Variants in BCL11B observed in about 807,000 individuals in gnomAD.
BCL11B encodes the protein B-cell lymphoma/leukemia 11B.
Under a neutral mutation model 49.9 loss-of-function variants are expected in BCL11B, and 8 were observed. The ratio of observed to expected loss-of-function variants is 0.16; its 90% confidence interval spans 0.09 to 0.29. BCL11B has a LOEUF of 0.29. Ranked by LOEUF, BCL11B falls within the 10% of genes least tolerant of loss-of-function variation. The probability of loss-of-function intolerance (pLI) is 1.00; values close to 1 mark genes in which losing one functional copy is unlikely to be tolerated. For missense variants in BCL11B, 1,006 were observed against 1,351.0 expected (o/e 0.74, Z 4.00); for synonymous variants, 739 against 637.4 (o/e 1.16, Z -2.40).
At chr14:99,233,605 G>T (rs1443837116) in intron 2 of BCL11B, among the ~76,000 whole-genome samples, 1 of 152,186 alleles carries the variant, frequency 6.6e-6, no homozygotes, top group African/African-American at 2.4e-5. Flanking sequence ...GCCTGGTAAG[G>T]GTTGTCCCAG....
At chr14:99,212,341 C>T (rs1887711839) in intron 3 of BCL11B, among the ~76,000 whole-genome samples, 1 of 152,166 alleles carries the variant, frequency 6.6e-6, no homozygotes. Flanking sequence ...AACCTGCAGC[C>T]TCCCCTGGGC....
chr14:99,193,213 C>T (rs1887088304), intron 3 of BCL11B, among the ~76,000 whole-genome samples: 1 of 152,206 alleles, frequency 6.6e-6, no homozygotes, highest in South Asian at 2.1e-4. Flanking sequence ...TGTCTGTTCG[C>T]ACACTCCTCT....
chr14:99,178,995 C>T (rs1886618891), intron 3 of BCL11B, among the ~76,000 whole-genome samples: 1 of 152,136 alleles, frequency 6.6e-6, no homozygotes, highest in Non-Finnish European at 1.5e-5. Context: ...AGTTCTGTGG[C>T]TGGTGAGGAA....
chr14:99,227,813 C>G (rs1888200710), intron 3 of BCL11B, among the ~76,000 whole-genome samples: 1 of 152,170 alleles, frequency 6.6e-6, no homozygotes, highest in Non-Finnish European at 1.5e-5. Flanking sequence ...GCCAAATCCT[C>G]TATGTGAAAT....
intron 1 of BCL11B, among the ~76,000 whole-genome samples, chr14:99,269,658 ATATTTATT>A (rs562739993): frequency 6.6e-6 from 1 of 151,230 alleles, no homozygotes; most frequent in East Asian, 1.9e-4. Flanking sequence ...ACCACTTTAT[ATATTTATT>A]TATTTATTTA....
rs1359637411 is a variant in BCL11B at position 99,171,956 on chromosome 14, A to T, written c.*2195T>A. Reference sequence around the variant, plus strand: ...TAATCAAGAAATTTTAATATATATAATATATACTAAAACCCCGTCACCAAA... The same window carrying T: ...TAATCAAGAAATTTTAATATATATATTATATACTAAAACCCCGTCACCAAA... On this transcript the variant is annotated 3_prime_UTR_variant, in exon 4 of 4. Transcript: ENST00000357195. 1 of 199,002 alleles carries T rather than the reference A, an allele frequency of 5.0e-6. No individual in the cohort carries two copies. Among genetic ancestry groups the T allele is most frequent in the East Asian group, 7.8e-5 (1 of 12,816 alleles). The allele number at this position is 199,002 out of a possible 1,614,324, so 12.3% of individuals were successfully genotyped here.
intron 1 of BCL11B, among the ~76,000 whole-genome samples, chr14:99,268,385 A>G (rs1414483710): frequency 2.0e-5 from 3 of 151,968 alleles, no homozygotes; most frequent in African/African-American, 7.3e-5. Context: ...GAAGGACCTG[A>G]GGTTGCTGCC....
chr14:99,177,584 T>TC, intron 3 of BCL11B, among the ~76,000 whole-genome samples: 1 of 145,616 alleles, frequency 6.9e-6, no homozygotes, highest in South Asian at 2.3e-4. Flanking sequence ...CCAGCTCAGA[T>TC]CCAGCAGAAG....
At chr14:99,203,828 G>A (rs1887455665) in intron 3 of BCL11B, among the ~76,000 whole-genome samples, 1 of 152,138 alleles carries the variant, frequency 6.6e-6, no homozygotes, top group African/African-American at 2.4e-5. Context: ...TAGAGGGCTG[G>A]GGGCCGGGGG....
chr14:99,247,111 G>C lies in BCL11B; in HGVS notation c.427+10360C>G, dbSNP rs1003277814. Among the ~76,000 whole-genome samples, 1 of 152,132 alleles carries C rather than the reference G, an allele frequency of 6.6e-6. No individual in the cohort carries two copies. The highest frequency in any genetic ancestry group is 6.5e-5 in the Admixed American group (1 of 15,282). ...GCCCTGACGCTGGAGTGTGGACCTT[G>C]TTTTGCTCCTCGGGGCCCGTCTGTT... On this transcript the variant is annotated intron_variant, in intron 2 of 3. Transcript: ENST00000357195. The surrounding 1 kb of genome is among the most constrained non-coding windows in gnomAD (Gnocchi z 4.5).
At position 99,171,196 on chromosome 14, in the gene BCL11B, C is replaced by T. The variant is rs760876290; in HGVS notation, c.*2955G>A. 2.6e-5 allele frequency: 6 copies of T among 228,698 alleles called. No individual in the cohort carries two copies. Among genetic ancestry groups the T allele is most frequent in the South Asian group, 1.8e-4 (1 of 5,474 alleles). The allele number at this position is 228,698 out of a possible 1,614,324, so 14.2% of individuals were successfully genotyped here. A position where few individuals can be genotyped will look rare whatever the true frequency, so the allele number is the denominator to read the frequency against. On this transcript the variant is annotated 3_prime_UTR_variant, in exon 4 of 4. Coordinates refer to ENST00000357195, the MANE Select transcript of BCL11B (RefSeq NM_138576.4). Reference sequence around the variant, plus strand: ...GGGGCGTTCAGAGAGAAGCCCAACACGAACGGTTCTCTGTGTAGGCCAATT... The same window carrying T: ...GGGGCGTTCAGAGAGAAGCCCAACATGAACGGTTCTCTGTGTAGGCCAATT...
rs770721310 is a variant in BCL11B at position 99,195,843 on chromosome 14, A to G, written c.641-19648T>C. On this transcript the variant is annotated intron_variant, in intron 3 of 3. Transcript: ENST00000357195. The surrounding 1 kb of genome is among the most constrained non-coding windows in gnomAD (Gnocchi z 4.7). The stretch of plus-strand genomic sequence containing the variant: ...CCAACACCTGCTAGACTGAGCTGAC[A>G]CAGCCCTCCTGCCTGCTGCCCAGAA... 3.3e-5 allele frequency among the ~76,000 whole-genome samples: 5 copies of G among 152,144 alleles called. No individual in the cohort carries two copies. Among genetic ancestry groups the G allele is most frequent in the Non-Finnish European group, 7.4e-5 (5 of 68,024 alleles).
At chr14:99,202,985 C>T (rs1306161770) in intron 3 of BCL11B, among the ~76,000 whole-genome samples, 2 of 152,176 alleles carry the variant, frequency 1.3e-5, no homozygotes, top group East Asian at 3.9e-4. Flanking sequence ...AAGCTGTTTC[C>T]ACTAAGAAAT....
chr14:99,199,640 C>CTGTGTGTGTGTGTGTG (rs79328426), intron 3 of BCL11B, among the ~76,000 whole-genome samples: 2 of 109,524 alleles, frequency 1.8e-5, no homozygotes, highest in Admixed American at 8.5e-5. Flanking sequence ...TGGCTAAATG[C>CTGTGTGTGTGTGTGTG]TGTGTGTGTG....
intron 3 of BCL11B, among the ~76,000 whole-genome samples, chr14:99,210,589 C>T (rs1278550977): frequency 6.6e-6 from 1 of 152,208 alleles, no homozygotes; most frequent in Non-Finnish European, 1.5e-5. Flanking sequence ...CCAAGCAGCT[C>T]ATGCCCGAGG....
intron 3 of BCL11B, among the ~76,000 whole-genome samples, chr14:99,217,480 G>A (rs1460388126): frequency 1.3e-5 from 2 of 152,058 alleles, no homozygotes; most frequent in Non-Finnish European, 2.9e-5. Flanking sequence ...GGAAAAACCA[G>A]GGAGAAAATT....
At chr14:99,235,144 C>T (rs566120887) in intron 2 of BCL11B, among the ~76,000 whole-genome samples, 2 of 152,330 alleles carry the variant, frequency 1.3e-5, no homozygotes, top group South Asian at 4.1e-4. Context: ...GAATTCGAGC[C>T]TTCCCCACCC....
chr14:99,253,953 CAG>C (rs2139944973), intron 2 of BCL11B, among the ~76,000 whole-genome samples: 1 of 152,362 alleles, frequency 6.6e-6, no homozygotes, highest in African/African-American at 2.4e-5. Flanking sequence ...GCCCCATCCC[CAG>C]AGAGGCCTGA....
At chr14:99,254,262 A>C (rs1040388056) in intron 2 of BCL11B, among the ~76,000 whole-genome samples, 1 of 152,242 alleles carries the variant, frequency 6.6e-6, no homozygotes, top group African/African-American at 2.4e-5. Context: ...TCTATCATTT[A>C]CCAAAAATAA....
Sources: gnomAD v4.1 joint callset for allele counts (sites outside exome capture counted in the v4.1 genomes callset) on GRCh38, gnomAD v4.1.1 for gene constraint, Gnocchi (gnomAD v3.1) non-coding constraint, MANE v1.5 for transcripts, NCBI Gene and HGNC (gene_info 2026-07-23, HGNC 2026-07-21) for gene names.